ULK4: variants seen among roughly 807,000 people sequenced by gnomAD.
The protein encoded by ULK4 is unc-51 like kinase 4, also known as inactive serine/threonine-protein kinase ULK4.
Under a neutral mutation model 160.6 loss-of-function variants are expected in ULK4, and 133 were observed. The ratio of observed to expected loss-of-function variants is 0.83; its 90% confidence interval spans 0.72 to 0.96. The LOEUF is 0.96. Ranked by LOEUF, ULK4 falls within the 40% of genes least tolerant of loss-of-function variation. The probability of loss-of-function intolerance (pLI) is 0.00; values close to 1 mark genes in which losing one functional copy is unlikely to be tolerated. For missense variants in ULK4, 1,580 were observed against 1,499.5 expected, an observed-to-expected ratio of 1.05 and a Z score of -0.89; for synonymous variants, 534 against 539.8, an observed-to-expected ratio of 0.99 and a Z score of 0.15.
intron 1 of ULK4, 79 bp from the exon 2 acceptor site, chr3:41,954,886 T>TA: frequency 1.1e-6 from 1 of 888,124 alleles, no homozygotes; most frequent in Non-Finnish European, 1.6e-6. Context: ...TAGCCTAGGA[T>TA]ATTATATGTG....
intron 17 of ULK4, among the ~76,000 whole-genome samples, chr3:41,867,613 G>A (rs1696943165): frequency 6.6e-6 from 1 of 152,194 alleles, no homozygotes; most frequent in African/African-American, 2.4e-5. Context: ...CTGGCCTCAA[G>A]TGATCTGCCC....
chr3:41,380,373 G>A (rs529996072), intron 35 of ULK4, among the ~76,000 whole-genome samples: 1 of 152,298 alleles, frequency 6.6e-6, no homozygotes, highest in African/African-American at 2.4e-5. Context: ...TGTGAAAGAT[G>A]ACATACAAGA....
Position 41,706,898 on chromosome 3 carries a change from T to TAGAGAG in ULK4, c.2635-1594_2635-1593insCTCTCT, listed in dbSNP as rs1308593092. 1.8e-3 allele frequency among the ~76,000 whole-genome samples: 230 copies of TAGAGAG among 126,890 alleles called. 2 individuals carry two copies. The highest frequency in any genetic ancestry group is 8.6e-3 in the African/African-American group (203 of 23,646). 83.2% of individuals were successfully genotyped at this position (126,890 alleles called of 152,430 possible). A position where few individuals can be genotyped will look rare whatever the true frequency, so the allele number is the denominator to read the frequency against. ...GTGTGTGTGTGTGTGTGTATATATA[T>TAGAGAG]ATAGAGAGAGAGAGAGAATAGAATC... On this transcript the variant is annotated intron_variant, in intron 25 of 36. Transcript: ENST00000301831.
chr3:41,397,991 G>T, intron 35 of ULK4, 88 bp downstream of exon 35: 1 of 1,439,998 alleles, frequency 6.9e-7, no homozygotes, highest in Non-Finnish European at 9.4e-7. Context: ...CTGTAAATTT[G>T]AAATTAGGTC....
chr3:41,380,386 G>A (rs915633214), intron 35 of ULK4, among the ~76,000 whole-genome samples: 8 of 152,134 alleles, frequency 5.3e-5, no homozygotes, highest in Non-Finnish European at 8.8e-5. Flanking sequence ...ATACAAGAAA[G>A]TTTAGAATCA....
chr3:41,509,305 C>G (rs540043153), intron 32 of ULK4, among the ~76,000 whole-genome samples: 16 of 152,160 alleles, frequency 1.1e-4, no homozygotes, highest in Admixed American at 4.6e-4. Context: ...ATGAACAAAG[C>G]CTCCAAGAAG....
intron 35 of ULK4, among the ~76,000 whole-genome samples, chr3:41,270,339 A>C (rs2079119042): frequency 6.6e-6 from 1 of 152,128 alleles, no homozygotes; most frequent in African/African-American, 2.4e-5. Flanking sequence ...CTTTGAAGCA[A>C]GCCCCTGACT....
chr3:41,555,015 A>C (rs2087234956), intron 32 of ULK4, among the ~76,000 whole-genome samples: 1 of 152,188 alleles, frequency 6.6e-6, no homozygotes, highest in Non-Finnish European at 1.5e-5. Flanking sequence ...AGGTATACAT[A>C]AGGTAATACT....
At chr3:41,594,285 T>G (rs1575462645) in intron 31 of ULK4, among the ~76,000 whole-genome samples, 1 of 151,960 alleles carries the variant, frequency 6.6e-6, no homozygotes, top group South Asian at 2.1e-4. Context: ...GTCTATAATC[T>G]CAGCACTTTG....
chr3:41,394,943 A>T (rs1368623048), intron 35 of ULK4, among the ~76,000 whole-genome samples: 1 of 152,094 alleles, frequency 6.6e-6, no homozygotes, highest in African/African-American at 2.4e-5. Flanking sequence ...AGTTAGAGTG[A>T]CCTTCACAGG....
At chr3:41,482,534 T>C (rs951929620) in intron 32 of ULK4, among the ~76,000 whole-genome samples, 1 of 152,210 alleles carries the variant, frequency 6.6e-6, no homozygotes, top group African/African-American at 2.4e-5. Context: ...TAAATGAAGA[T>C]ATTCTCCTTT....
chr3:41,860,650 A>G (rs958782884), intron 17 of ULK4, among the ~76,000 whole-genome samples: 3 of 152,116 alleles, frequency 2.0e-5, no homozygotes, highest in Non-Finnish European at 4.4e-5. Flanking sequence ...GCAACAATCA[A>G]TGGGTCTTGT....
intron 30 of ULK4, among the ~76,000 whole-genome samples, chr3:41,645,650 GA>G (rs916127741): frequency 4.6e-5 from 7 of 151,980 alleles, no homozygotes; most frequent in Non-Finnish European, 8.8e-5. Context: ...GTGTGGTGCT[GA>G]AAAAAATGTA....
intron 33 of ULK4, among the ~76,000 whole-genome samples, chr3:41,460,351 A>G (rs1368928159): frequency 6.6e-6 from 1 of 152,106 alleles, no homozygotes; most frequent in African/African-American, 2.4e-5. Context: ...AGCCCTCCCT[A>G]ATCTCAAAAT....
intron 21 of ULK4, among the ~76,000 whole-genome samples, chr3:41,755,793 T>C (rs1328619562): frequency 6.6e-6 from 1 of 152,214 alleles, no homozygotes; most frequent in Admixed American, 6.5e-5. Context: ...TCGGGAGAAC[T>C]GGCAAAATCT....
At chr3:41,742,518 C>T (rs1223848300) in intron 22 of ULK4, among the ~76,000 whole-genome samples, 1 of 151,896 alleles carries the variant, frequency 6.6e-6, no homozygotes, top group Admixed American at 6.6e-5. Flanking sequence ...GACTTAATGA[C>T]ACAGAGCAAG....
chr3:41,910,857 A>ACG (rs1698758416), intron 11 of ULK4, among the ~76,000 whole-genome samples: 11 of 152,044 alleles, frequency 7.2e-5, no homozygotes, highest in Admixed American at 5.9e-4. Flanking sequence ...TAGCTACTTG[A>ACG]GAGGCTAAAG....
chr3:41,844,205 A>G (rs9840532), intron 17 of ULK4, among the ~76,000 whole-genome samples: 47,777 of 151,946 alleles, frequency 0.31, 11,053 homozygotes, highest in African/African-American at 0.66. Flanking sequence ...GGGACTGGGC[A>G]GCATGGAGCA....
At chr3:41,761,017 C>T (rs2038964734) in intron 21 of ULK4, among the ~76,000 whole-genome samples, 1 of 152,146 alleles carries the variant, frequency 6.6e-6, no homozygotes, top group Admixed American at 6.6e-5. Flanking sequence ...AGTATGATTC[C>T]ATTTATATGA....
Sources: allele counts gnomAD v4.1 joint callset (sites outside exome capture counted in the v4.1 genomes callset), GRCh38; gene constraint gnomAD v4.1.1; transcripts MANE v1.5; gene names NCBI Gene and HGNC (gene_info 2026-07-23, HGNC 2026-07-21).